CERS5: variants seen among roughly 807,000 people sequenced by gnomAD.
CERS5 encodes the protein ceramide synthase 5.
CERS5 carries 37 observed loss-of-function variants against 58.9 expected under a neutral mutation model. That is an observed-to-expected ratio of 0.63 (90% CI 0.48 to 0.83). The LOEUF (loss-of-function observed/expected upper bound fraction) is 0.83, where lower values mean the gene tolerates loss of function less well. Among genes scored for constraint, CERS5 ranks in the 40% least tolerant of loss-of-function variants. The pLI is 0.00. For missense variants in CERS5, 398 were observed against 489.3 expected (o/e 0.81, Z 1.76); for synonymous variants, 147 against 177.8 (o/e 0.83, Z 1.38).
chr12:50,133,672 G>C, intron 9 of CERS5: 2 of 985,492 alleles, frequency 2.0e-6, no homozygotes, highest in Non-Finnish European at 2.4e-6. Flanking sequence ...AATGGTTGAG[G>C]CCATCTCTTA....
intron 9 of CERS5, chr12:50,134,194 A>C: frequency 2.9e-6 from 1 of 339,872 alleles, no homozygotes; most frequent in Non-Finnish European, 5.7e-6. Context: ...TGGCCTGGGT[A>C]ACATAGTGAC....
rs1952166260 is a variant in CERS5 at position 50,144,777 on chromosome 12, T to A, written c.198-720A>T. ...TTGGTAAAATCACTTACCTCTTGGGTCTTGGTTTCATCATCTAAAAGAAGA... is the reference window on the plus strand; with the variant it reads ...TTGGTAAAATCACTTACCTCTTGGGACTTGGTTTCATCATCTAAAAGAAGA... On this transcript the variant is annotated intron_variant, in intron 1 of 9. Coordinates refer to ENST00000317551, the MANE Select transcript of CERS5 (RefSeq NM_147190.5). 3.3e-6 allele frequency: 5 copies of A among 1,522,952 alleles called. No homozygotes were observed. The South Asian group carries it at 6.0e-5, about 18-fold the overall frequency. The allele number at this position is 1,522,952 out of a possible 1,614,324, so 94.3% of individuals were successfully genotyped here.
intron 8 of CERS5, among the ~76,000 whole-genome samples, chr12:50,135,194 AAGAG>A (rs149757474): frequency 3.9e-5 from 1 of 25,962 alleles, no homozygotes; most frequent in Admixed American, 4.5e-4. Context: ...GAGAGGGAGG[AAGAG>A]AGAGAGAGGA....
intron 3 of CERS5, among the ~76,000 whole-genome samples, chr12:50,142,548 CAAAA>C (rs55654212): frequency 6.9e-5 from 6 of 86,786 alleles, no homozygotes; most frequent in Non-Finnish European, 1.2e-4. Context: ...GACTCCGTCT[CAAAA>C]AAAAAAAAAA....
chr12:50,164,739 T>C (rs1173862147), intron 1 of CERS5, among the ~76,000 whole-genome samples: 1 of 152,170 alleles, frequency 6.6e-6, no homozygotes, highest in African/African-American at 2.4e-5. Flanking sequence ...AAAGGATCCC[T>C]TCCAGCAGCT....
chr12:50,162,377 C>T (rs1939405343), intron 1 of CERS5, among the ~76,000 whole-genome samples: 2 of 152,138 alleles, frequency 1.3e-5, no homozygotes, highest in African/African-American at 4.8e-5. Flanking sequence ...TTGTATGTTG[C>T]AACCTCTGAA....
At chr12:50,150,673 G>T (rs771938002) in intron 1 of CERS5, among the ~76,000 whole-genome samples, 1 of 152,102 alleles carries the variant, frequency 6.6e-6, no homozygotes, top group African/African-American at 2.4e-5. Context: ...TGAATTTAGG[G>T]GACAGGAAGG....
At chr12:50,162,264 A>T (rs1334328103) in intron 1 of CERS5, among the ~76,000 whole-genome samples, 1 of 150,544 alleles carries the variant, frequency 6.6e-6, no homozygotes, top group Non-Finnish European at 1.5e-5. Flanking sequence ...CTAGAATACT[A>T]GAACAAGAGG....
At chr12:50,164,457 A>G (rs898678831) in intron 1 of CERS5, among the ~76,000 whole-genome samples, 5 of 151,890 alleles carry the variant, frequency 3.3e-5, no homozygotes, top group African/African-American at 4.8e-5. Flanking sequence ...GGAGTGGTCT[A>G]TTTTCTTTAT....
At chr12:50,156,438 A>ATATATAT (rs1555198356) in intron 1 of CERS5, among the ~76,000 whole-genome samples, 25 of 123,270 alleles carry the variant, frequency 2.0e-4, no homozygotes, top group Non-Finnish European at 2.8e-4. Flanking sequence ...ATATATATAT[A>ATATATAT]AAACAATTAG....
intron 9 of CERS5, chr12:50,132,866 G>C (rs1951409514): frequency 8.0e-7 from 1 of 1,249,504 alleles, no homozygotes; most frequent in East Asian, 5.6e-5. Context: ...CATGCTCTGA[G>C]ACAAACACAA....
chr12:50,135,205 AGG>A (rs1951592154), intron 8 of CERS5, among the ~76,000 whole-genome samples: 2 of 44,370 alleles, frequency 4.5e-5, no homozygotes, highest in Non-Finnish European at 3.9e-5. Flanking sequence ...AGAGAGAGAG[AGG>A]AGAGGGAGGG....
In CERS5 at chr12:50,131,299, G is replaced by A. The variant is rs550792068; in HGVS notation, c.1030-605C>T. Among the ~76,000 whole-genome samples, 7 of 152,082 alleles carry A rather than the reference G, an allele frequency of 4.6e-5. No homozygotes were observed. The East Asian group carries it at 5.8e-4, about 13-fold the overall frequency. On this transcript the variant is annotated intron_variant, in intron 9 of 9. Transcript: ENST00000317551. ...TCCCTGGCTGGGCGTGGTGGCTCAC[G>A]CCTGTAATCCCAGCACTTTGGGAGG... is the stretch of plus-strand genomic sequence containing the variant.
chr12:50,135,407 A>G, intron 8 of CERS5: 1 of 521,710 alleles, frequency 1.9e-6, no homozygotes, highest in Non-Finnish European at 3.6e-6. Context: ...TTGTATCAAC[A>G]GTGCAAAAGA....
intron 1 of CERS5, among the ~76,000 whole-genome samples, chr12:50,147,869 C>T (rs1952380418): frequency 6.6e-6 from 1 of 152,102 alleles, no homozygotes; most frequent in African/African-American, 2.4e-5. Flanking sequence ...CCTTGACTTC[C>T]TAAGCTCAAG....
Position 50,134,971 on chromosome 12 carries a change from C to T in CERS5, c.873-269G>A, listed in dbSNP as rs565984463. On this transcript the variant is annotated intron_variant, in intron 8 of 9. Coordinates refer to ENST00000317551, the MANE Select transcript of CERS5 (RefSeq NM_147190.5). The stretch of plus-strand genomic sequence containing the variant: ...ATCACTTCAAATATCCAGAGTTTCA[C>T]GAAATTAGGACAGCAGTGGGACTCT... 9 of 460,206 alleles carry T rather than the reference C, an allele frequency of 2.0e-5. No individual in the cohort carries two copies. The East Asian group carries it at 2.3e-4, about 12-fold the overall frequency. The allele number at this position is 460,206 out of a possible 1,614,324, so 28.5% of individuals were successfully genotyped here. A position where few individuals can be genotyped will look rare whatever the true frequency, so the allele number is the denominator to read the frequency against.
intron 1 of CERS5, among the ~76,000 whole-genome samples, chr12:50,152,962 C>T (rs905160499): frequency 2.0e-5 from 3 of 151,724 alleles, no homozygotes; most frequent in African/African-American, 4.8e-5. Flanking sequence ...CCCAGCTACT[C>T]GGGAGGCTGA....
chr12:50,156,431 T>C lies in CERS5; in HGVS notation c.197+10670A>G, dbSNP rs1220777677. 1.9e-4 allele frequency among the ~76,000 whole-genome samples: 24 copies of C among 128,806 alleles called. 3 individuals carry two copies. In the South Asian group the frequency reaches 1.9e-3, roughly 10 times the overall value. 84.5% of individuals were successfully genotyped at this position (128,806 alleles called of 152,430 possible). A position where few individuals can be genotyped will look rare whatever the true frequency, so the allele number is the denominator to read the frequency against. ...AACAAACAAACAAACTATATATATATATATATAAAACAATTAGTAGCCAGG... is the reference window on the plus strand; with the variant it reads ...AACAAACAAACAAACTATATATATACATATATAAAACAATTAGTAGCCAGG... On this transcript the variant is annotated intron_variant, in intron 1 of 9. Coordinates refer to ENST00000317551, the MANE Select transcript of CERS5 (RefSeq NM_147190.5).
At chr12:50,143,610 G>C (rs1005982596) in intron 2 of CERS5, 7 of 263,922 alleles carry the variant, frequency 2.7e-5, no homozygotes, top group African/African-American at 1.5e-4. Context: ...AAACTGCAAA[G>C]GCTATCAGTA....
Sources: allele counts gnomAD v4.1 joint callset (sites outside exome capture counted in the v4.1 genomes callset), GRCh38; gene constraint gnomAD v4.1.1; transcripts MANE v1.5; gene names NCBI Gene and HGNC (gene_info 2026-07-23, HGNC 2026-07-21).